Variants in GLRA1 observed in about 807,000 individuals in gnomAD.
GLRA1 encodes glycine receptor subunit alpha-1.
GLRA1 carries 37 observed loss-of-function variants against 48.3 expected under a neutral mutation model. The ratio of observed to expected loss-of-function variants is 0.77; its 90% confidence interval spans 0.59 to 1.01. The LOEUF (loss-of-function observed/expected upper bound fraction) is 1.01. Among genes scored for constraint, GLRA1 ranks in the 50% least tolerant of loss-of-function variants. GLRA1 has a pLI of 0.00. For synonymous variants in GLRA1, 196 were observed against 210.7 expected (o/e 0.93, Z 0.60); for missense variants, 427 against 571.0 (o/e 0.75, Z 2.57).
chr5:151,884,389 A>G (rs553110903), intron 3 of GLRA1, among the ~76,000 whole-genome samples: 28 of 148,998 alleles, frequency 1.9e-4, no homozygotes, highest in African/African-American at 6.7e-4. Flanking sequence ...AGATCGTGCC[A>G]CTGCACTCCA....
chr5:151,895,658 T>A (rs1158982827), intron 1 of GLRA1, among the ~76,000 whole-genome samples: 1 of 150,672 alleles, frequency 6.6e-6, no homozygotes, highest in Non-Finnish European at 1.5e-5. Context: ...TGTGTGTGTG[T>A]GTTTGAAGCA....
At chr5:151,872,187 AAT>A (rs1166767701) in intron 3 of GLRA1, among the ~76,000 whole-genome samples, 1 of 149,574 alleles carries the variant, frequency 6.7e-6, no homozygotes, top group Non-Finnish European at 1.5e-5. Context: ...ATCAGAGAAA[AAT>A]AGAGTTAAGC....
intron 3 of GLRA1, among the ~76,000 whole-genome samples, chr5:151,866,810 G>A (rs1021863468): frequency 1.3e-5 from 2 of 152,050 alleles, no homozygotes; most frequent in African/African-American, 4.8e-5. Flanking sequence ...AGGGTCATAA[G>A]AAGTTCTAAC....
At chr5:151,912,070 A>G (rs1447222759) in intron 1 of GLRA1, among the ~76,000 whole-genome samples, 1 of 152,208 alleles carries the variant, frequency 6.6e-6, no homozygotes, top group Non-Finnish European at 1.5e-5. Context: ...TTGCAGGGGA[A>G]GGAAAATCTT....
chr5:151,850,855 C>T, intron 7 of GLRA1: 1 of 677,462 alleles, frequency 1.5e-6, no homozygotes, highest in Non-Finnish European at 2.7e-6. Context: ...CAACTCTTCC[C>T]CCTCTCCCAA....
intron 1 of GLRA1, among the ~76,000 whole-genome samples, chr5:151,905,302 GGTT>G (rs1189418639): frequency 2.0e-5 from 3 of 151,642 alleles, no homozygotes; most frequent in Admixed American, 6.6e-5. Context: ...ATTTCTTCCA[GGTT>G]TTTTTCCTCT....
chr5:151,924,407 A>G lies in GLRA1; in HGVS notation c.56+87T>C, dbSNP rs1754955759. 3.4e-6 allele frequency: 3 copies of G among 877,952 alleles called. No homozygotes were observed. In the South Asian group the frequency reaches 3.9e-5, roughly 11 times the overall value. The allele number at this position is 877,952 out of a possible 1,614,324, so 54.4% of individuals were successfully genotyped here. A position where few individuals can be genotyped will look rare whatever the true frequency, so the allele number is the denominator to read the frequency against. ...TGGAATACAGCACCCCTCTTCCCCA[A>G]AATGATGGGACCACGGACAGAGGTA... On this transcript the variant is annotated intron_variant, in intron 1 of 8. Coordinates refer to ENST00000274576, the MANE Select transcript of GLRA1 (RefSeq NM_000171.4).
chr5:151,922,253 C>A (rs1233211465), intron 1 of GLRA1, among the ~76,000 whole-genome samples: 4 of 152,246 alleles, frequency 2.6e-5, no homozygotes, highest in Non-Finnish European at 5.9e-5. Flanking sequence ...CAGCCTCCAT[C>A]TACCCCCAAA....
intron 1 of GLRA1, among the ~76,000 whole-genome samples, chr5:151,893,289 TTTC>T (rs1754135901): frequency 1.3e-5 from 1 of 77,632 alleles, no homozygotes; most frequent in Non-Finnish European, 2.8e-5. Context: ...CCCAACTTTC[TTTC>T]TTTCTTTCTT....
chr5:151,923,064 G>T (rs1426881222), intron 1 of GLRA1, among the ~76,000 whole-genome samples: 1 of 152,162 alleles, frequency 6.6e-6, no homozygotes, highest in East Asian at 1.9e-4. Flanking sequence ...TAAGGCCCTG[G>T]ATTGTTGTAC....
At chr5:151,902,455 CAGTT>C (rs1402676458) in intron 1 of GLRA1, among the ~76,000 whole-genome samples, 3 of 152,208 alleles carry the variant, frequency 2.0e-5, no homozygotes, top group South Asian at 4.1e-4. Flanking sequence ...ACCCTTTTCT[CAGTT>C]AGCTCATCTT....
rs112593742 is a variant in GLRA1 at position 151,837,875 on chromosome 5, G to A, written c.913-8808C>T. On this transcript the variant is annotated intron_variant, in intron 7 of 8. Transcript: ENST00000274576. ...ACCTAACGTAGATGATGGGTTGATG[G>A]GTGCAGCAAACCACCATGACGTGTG... 5.8e-3 allele frequency among the ~76,000 whole-genome samples: 875 copies of A among 152,128 alleles called. 12 individuals carry two copies. The highest frequency in any genetic ancestry group is 0.02 in the African/African-American group (846 of 41,470).
chr5:151,826,872 G>C (rs939358796), intron 8 of GLRA1, among the ~76,000 whole-genome samples: 2 of 152,178 alleles, frequency 1.3e-5, no homozygotes, highest in Non-Finnish European at 2.9e-5. Context: ...AAAGGGGCTG[G>C]TGCTAGTAAA....
intron 1 of GLRA1, among the ~76,000 whole-genome samples, chr5:151,910,634 G>T (rs1282504737): frequency 6.6e-6 from 1 of 152,142 alleles, no homozygotes; most frequent in East Asian, 1.9e-4. Context: ...GTGTGACTTT[G>T]GATGAATCAT....
At chr5:151,850,199 C>T (rs2113341139) in intron 7 of GLRA1, 4 of 1,603,566 alleles carry the variant, frequency 2.5e-6, no homozygotes, top group South Asian at 1.1e-5. Flanking sequence ...GCAGGGACAT[C>T]GTGGAGGCCC....
At chr5:151,902,296 C>G (rs779483976) in intron 1 of GLRA1, among the ~76,000 whole-genome samples, 5 of 151,988 alleles carry the variant, frequency 3.3e-5, no homozygotes, top group Non-Finnish European at 5.9e-5. Flanking sequence ...CATAACATAA[C>G]TGGAGCGCTC....
chr5:151,917,224 C>T (rs186207899), intron 1 of GLRA1, among the ~76,000 whole-genome samples: 209 of 152,242 alleles, frequency 1.4e-3, no homozygotes, highest in African/African-American at 4.4e-3. Flanking sequence ...CTTCTGGGTG[C>T]GCTTTGGAAA....
chr5:151,878,753 C>T (rs766341093), intron 3 of GLRA1, among the ~76,000 whole-genome samples: 3 of 152,188 alleles, frequency 2.0e-5, no homozygotes, highest in Non-Finnish European at 2.9e-5. Context: ...ATTGAGCCTG[C>T]GGGTGCACAG....
At chr5:151,867,319 C>T (rs1377157203) in intron 3 of GLRA1, among the ~76,000 whole-genome samples, 1 of 151,966 alleles carries the variant, frequency 6.6e-6, no homozygotes, top group Non-Finnish European at 1.5e-5. Flanking sequence ...TCTGGTTTCA[C>T]CTGGAACAAG....
Sources: allele counts gnomAD v4.1 joint callset (sites outside exome capture counted in the v4.1 genomes callset), GRCh38; gene constraint gnomAD v4.1.1; transcripts MANE v1.5; gene names NCBI Gene and HGNC (gene_info 2026-07-23, HGNC 2026-07-21).